The following MKLN1 variants were observed in gnomAD, a reference collection of about 807,000 sequenced individuals.
The protein encoded by MKLN1 is muskelin.
In MKLN1, 18 loss-of-function variants were observed where a neutral mutation model predicts 99.0. That is an observed-to-expected ratio of 0.18 (90% confidence interval 0.13 to 0.27). The LOEUF (loss-of-function observed/expected upper bound fraction) is 0.27, where lower values mean the gene tolerates loss of function less well. MKLN1 is among the 10% of genes least tolerant of loss of function. The pLI is 1.00. For synonymous variants in MKLN1, 288 were observed against 293.2 expected (o/e 0.98, Z 0.18); for missense variants, 621 against 875.9 (o/e 0.71, Z 3.67).
rs993495094 is a variant in MKLN1 at position 131,198,469 on chromosome 7, G to A, written c.-296-4388G>A. On this transcript the variant is annotated intron_variant, in intron 2 of 7. Transcript: ENST00000416992. ...CCTTCGGAATGCTTTGGGAAGTTCA[G>A]CAGGATTCTGAAACAACTAAATGTG... Among the ~76,000 whole-genome samples, 7 of 152,278 alleles carry A rather than the reference G, an allele frequency of 4.6e-5. No homozygotes were observed. In the East Asian group the frequency reaches 7.7e-4, roughly 17 times the overall value.
chr7:131,181,558 A>T (rs1796376889), intron 2 of MKLN1, among the ~76,000 whole-genome samples: 2 of 152,124 alleles, frequency 1.3e-5, no homozygotes, highest in South Asian at 4.1e-4. Context: ...AAAGAAAAAA[A>T]ATTAACTGGA....
At chr7:131,347,386 G>A (rs1489052924) in intron 1 of MKLN1, among the ~76,000 whole-genome samples, 1 of 152,180 alleles carries the variant, frequency 6.6e-6, no homozygotes, top group Non-Finnish European at 1.5e-5. Context: ...TGCTGCTGGA[G>A]CCTGATGCTG....
At chr7:131,307,448 T>C (rs1028424677) in intron 3 of MKLN1, among the ~76,000 whole-genome samples, 3 of 152,024 alleles carry the variant, frequency 2.0e-5, no homozygotes, top group Admixed American at 2.0e-4. Context: ...GGTTGTACTG[T>C]GCACCTGGAA....
At chr7:131,308,442 G>T (rs1798502498) in intron 3 of MKLN1, among the ~76,000 whole-genome samples, 1 of 151,604 alleles carries the variant, frequency 6.6e-6, no homozygotes, top group Admixed American at 6.6e-5. Context: ...CTGTATTTTT[G>T]GTAGAGACAG....
intron 3 of MKLN1, among the ~76,000 whole-genome samples, chr7:131,319,094 A>G (rs565312445): frequency 6.6e-6 from 1 of 152,348 alleles, no homozygotes; most frequent in South Asian, 2.1e-4. Flanking sequence ...AACTCATTTT[A>G]TGAGGCCAGC....
At chr7:131,361,205 G>A (rs1800018465) in intron 1 of MKLN1, among the ~76,000 whole-genome samples, 1 of 151,922 alleles carries the variant, frequency 6.6e-6, no homozygotes, top group African/African-American at 2.4e-5. Flanking sequence ...GAAAATTCCA[G>A]CCATTATTAC....
At chr7:131,399,156 T>C in intron 5 of MKLN1, 85 bp from the exon 6 acceptor site, 1 of 1,124,922 alleles carries the variant, frequency 8.9e-7, no homozygotes, top group Non-Finnish European at 1.3e-6. Context: ...TCAGTGTAGA[T>C]TAGTTATTTT....
intron 8 of MKLN1, among the ~76,000 whole-genome samples, chr7:131,425,479 T>G (rs1254551038): frequency 2.6e-5 from 4 of 152,238 alleles, no homozygotes; most frequent in Admixed American, 2.0e-4. Flanking sequence ...GTTGCTCTAT[T>G]TGCCTTTTGA....
intron 2 of MKLN1, among the ~76,000 whole-genome samples, chr7:131,191,389 G>A (rs959648256): frequency 5.3e-5 from 8 of 152,176 alleles, no homozygotes; most frequent in Non-Finnish European, 1.2e-4. Context: ...TGATTTCTGA[G>A]TGATTCTCCA....
chr7:131,131,406 G>A lies in MKLN1; in HGVS notation c.-418-11414G>A, dbSNP rs554361984. ...AAAAAGTGCAGATTAATAGGACATT[G>A]CTTACCTGGAGTTTTCTAAGCGGTA... On this transcript the variant is annotated intron_variant, in intron 1 of 7. Transcript: ENST00000416992. Among the ~76,000 whole-genome samples, 87 of 152,220 alleles carry A rather than the reference G, an allele frequency of 5.7e-4. 1 individual carries two copies. The highest frequency in any genetic ancestry group is 1.7e-3 in the African/African-American group (71 of 41,546).
At chr7:131,163,244 C>T (rs1584801220) in intron 2 of MKLN1, among the ~76,000 whole-genome samples, 2 of 152,112 alleles carry the variant, frequency 1.3e-5, no homozygotes, top group Non-Finnish European at 2.9e-5. Context: ...TTGTAGAGCA[C>T]AGGAAAAATG....
intron 16 of MKLN1, 137 bp from the exon 17 acceptor site, chr7:131,478,486 T>A (rs1797025691): frequency 1.3e-6 from 1 of 741,544 alleles, no homozygotes; most frequent in Non-Finnish European, 1.9e-6. Flanking sequence ...CACTATTTGG[T>A]GAATAGACCT....
intron 17 of MKLN1, among the ~76,000 whole-genome samples, chr7:131,484,963 T>G (rs1411405937): frequency 6.6e-6 from 1 of 152,020 alleles, no homozygotes; most frequent in Non-Finnish European, 1.5e-5. Flanking sequence ...AAGCATGAAC[T>G]ATAATAGTGT....
chr7:131,425,664 A>G (rs931181886), intron 8 of MKLN1, among the ~76,000 whole-genome samples: 12 of 152,206 alleles, frequency 7.9e-5, no homozygotes, highest in African/African-American at 2.9e-4. Flanking sequence ...CCATTCAGAA[A>G]AAATATAGAG....
Position 131,495,624 on chromosome 7 carries a change from TTG to T in MKLN1, c.*7898_*7899del, listed in dbSNP as rs1797536915. 1 of 152,138 alleles carries T rather than the reference TTG, an allele frequency of 6.6e-6. No individual in the cohort carries two copies. Among genetic ancestry groups the T allele is most frequent in the East Asian group, 1.9e-4 (1 of 5,194 alleles). 9.4% of individuals were successfully genotyped at this position (152,138 alleles called of 1,614,324 possible). A position where few individuals can be genotyped will look rare whatever the true frequency, so the allele number is the denominator to read the frequency against. ...AAAAAAAATTAACACAGCCATTCCA[TTG>T]TTTTTTACCACATGGAGAAAGGACC... On this transcript the variant is annotated 3_prime_UTR_variant, in exon 18 of 18. Coordinates refer to ENST00000352689, the MANE Select transcript of MKLN1 (RefSeq NM_013255.5).
chr7:131,207,306 T>C (rs1282832441), intron 3 of MKLN1, among the ~76,000 whole-genome samples: 2 of 152,170 alleles, frequency 1.3e-5, no homozygotes, highest in Admixed American at 6.6e-5. Context: ...GAAGTGATTC[T>C]TGTGCCTCAG....
chr7:131,469,457 T>C (rs946945161), intron 15 of MKLN1, among the ~76,000 whole-genome samples: 1 of 152,212 alleles, frequency 6.6e-6, no homozygotes, highest in East Asian at 1.9e-4. Context: ...GCCAAAACCT[T>C]GGTCTAATCT....
chr7:131,437,641 A>G (rs1795712110), intron 9 of MKLN1, 144 bp from the exon 10 acceptor site: 1 of 643,252 alleles, frequency 1.6e-6, no homozygotes. Flanking sequence ...TGTTGGACTC[A>G]TATTGGTTGA....
At chr7:131,233,384 A>G (rs867656970) in intron 3 of MKLN1, among the ~76,000 whole-genome samples, 2,235 of 150,248 alleles carry the variant, frequency 0.015, 60 homozygotes, top group African/African-American at 0.052. Flanking sequence ...AAATAAATAA[A>G]TAAATAAATA....
Sources: gnomAD v4.1 joint callset for allele counts (sites outside exome capture counted in the v4.1 genomes callset) on GRCh38, gnomAD v4.1.1 for gene constraint, MANE v1.5 for transcripts, NCBI Gene and HGNC (gene_info 2026-07-23, HGNC 2026-07-21) for gene names.